The following MPP7 variants were observed in gnomAD, a reference collection of about 807,000 sequenced individuals.
MPP7 encodes the protein MAGUK p55 scaffold protein 7.
A neutral mutation model predicts 76.5 loss-of-function variants in MPP7; 60 were observed. That is an observed-to-expected ratio of 0.78 (90% CI 0.64 to 0.97). The LOEUF is 0.97. Among genes scored for constraint, MPP7 ranks in the 50% least tolerant of loss-of-function variants. The pLI, the probability that MPP7 is intolerant of heterozygous loss-of-function variation, is 0.00. For synonymous variants in MPP7, 237 were observed against 244.5 expected (o/e 0.97, Z 0.29); for missense variants, 641 against 694.0 (o/e 0.92, Z 0.86).
chr10:28,232,832 C>G (rs1838934407), intron 2 of MPP7, among the ~76,000 whole-genome samples: 1 of 152,026 alleles, frequency 6.6e-6, no homozygotes, highest in African/African-American at 2.4e-5. Flanking sequence ...AATTTTTGAC[C>G]TAGGTGGATG....
chr10:28,297,762 T>C (rs192934822), intron 1 of MPP7, among the ~76,000 whole-genome samples: 2 of 152,344 alleles, frequency 1.3e-5, no homozygotes, highest in African/African-American at 4.8e-5. Flanking sequence ...AAGATCTCTC[T>C]TTTGGTAGCA....
chr10:28,160,557 C>A (rs1046260738), intron 3 of MPP7, among the ~76,000 whole-genome samples: 10 of 152,102 alleles, frequency 6.6e-5, no homozygotes, highest in African/African-American at 2.4e-4. Context: ...CCTTGAAGAG[C>A]CTCCCCACAA....
chr10:28,205,061 T>C (rs969417179), intron 2 of MPP7, among the ~76,000 whole-genome samples: 5 of 152,162 alleles, frequency 3.3e-5, no homozygotes, highest in African/African-American at 1.2e-4. Context: ...TAATCCTAAC[T>C]AATATCCCAC....
chr10:28,330,046 C>T lies in MPP7; in HGVS notation c.-205-44G>A, dbSNP rs142264071. ...ATAAATGAGACAATTCGGTGAGGTGCTGTTAATAGCTTCCCAACAGGTACC... is the reference window on the plus strand; with the variant it reads ...ATAAATGAGACAATTCGGTGAGGTGTTGTTAATAGCTTCCCAACAGGTACC... On this transcript the variant is annotated intron_variant, in intron 1 of 11. Coordinates refer to the MPP7 transcript ENST00000441595. The T allele has an allele frequency of 6.6e-5, 10 of 152,248 alleles. No individual in the cohort carries two copies. The South Asian group carries it at 1.2e-3, about 19-fold the overall frequency. 9.4% of individuals were successfully genotyped at this position (152,248 alleles called of 1,614,324 possible).
intron 11 of MPP7, among the ~76,000 whole-genome samples, chr10:28,094,092 TG>T (rs1477490357): frequency 6.6e-6 from 1 of 152,194 alleles, no homozygotes; most frequent in Non-Finnish European, 1.5e-5. Flanking sequence ...GCCTTAGAGC[TG>T]GAAGAAACTC....
intron 1 of MPP7, among the ~76,000 whole-genome samples, chr10:28,241,004 C>G (rs1027129272): frequency 1.3e-5 from 2 of 151,898 alleles, no homozygotes; most frequent in African/African-American, 2.4e-5. Flanking sequence ...TGAGAAAAGC[C>G]TAAATTTATA....
At chr10:28,138,177 T>C (rs1835406281) in intron 5 of MPP7, among the ~76,000 whole-genome samples, 1 of 152,242 alleles carries the variant, frequency 6.6e-6, no homozygotes, top group Non-Finnish European at 1.5e-5. Context: ...CTAGAGATGA[T>C]GTCACTTCAC....
chr10:28,259,548 C>G (rs1008858856), intron 1 of MPP7, among the ~76,000 whole-genome samples: 1 of 150,752 alleles, frequency 6.6e-6, no homozygotes, highest in African/African-American at 2.4e-5. Context: ...GATTGCACCA[C>G]TGCACTCCAG....
At chr10:28,211,961 A>T (rs1049068390) in intron 2 of MPP7, among the ~76,000 whole-genome samples, 11 of 152,240 alleles carry the variant, frequency 7.2e-5, no homozygotes, top group African/African-American at 2.6e-4. Flanking sequence ...TTACAAAAGC[A>T]TCACTCAGCC....
intron 2 of MPP7, among the ~76,000 whole-genome samples, chr10:28,328,165 AT>A (rs978345654): frequency 1.3e-5 from 2 of 152,110 alleles, no homozygotes; most frequent in Non-Finnish European, 2.9e-5. Context: ...TTTAATTCTG[AT>A]TTTTTTAAGA....
intron 1 of MPP7, among the ~76,000 whole-genome samples, chr10:28,253,852 C>T (rs761908600): frequency 6.6e-6 from 1 of 151,326 alleles, no homozygotes; most frequent in Non-Finnish European, 1.5e-5. Flanking sequence ...AAAAATTAGC[C>T]GGGTATGGTC....
chr10:28,193,427 G>T (rs113368736), intron 3 of MPP7, among the ~76,000 whole-genome samples: 3,537 of 152,060 alleles, frequency 0.023, 141 homozygotes, highest in African/African-American at 0.081. Context: ...TTAGCCAGAT[G>T]GTCTCAATCT....
At chr10:28,080,140 A>G (rs1030051121) in intron 12 of MPP7, among the ~76,000 whole-genome samples, 2 of 152,016 alleles carry the variant, frequency 1.3e-5, no homozygotes, top group African/African-American at 4.8e-5. Context: ...AGAGAAAAGA[A>G]AAGAAGGAAG....
At chr10:28,192,726 C>T (rs182289568) in intron 3 of MPP7, among the ~76,000 whole-genome samples, 9 of 152,118 alleles carry the variant, frequency 5.9e-5, no homozygotes, top group Admixed American at 5.9e-4. Context: ...ATACACAGTC[C>T]CAATCAAAAT....
chr10:28,189,088 T>C (rs545724280), intron 3 of MPP7, among the ~76,000 whole-genome samples: 23 of 152,288 alleles, frequency 1.5e-4, no homozygotes, highest in Non-Finnish European at 3.4e-4. Context: ...TTTGTTTTAT[T>C]CTTAATTGAT....
At chr10:28,151,758 G>A (rs1835891052) in intron 3 of MPP7, among the ~76,000 whole-genome samples, 1 of 152,216 alleles carries the variant, frequency 6.6e-6, no homozygotes, top group Non-Finnish European at 1.5e-5. Flanking sequence ...CAGACAGTAA[G>A]AGGCAGAGCT....
chr10:28,242,097 T>A (rs1405168746), intron 1 of MPP7, among the ~76,000 whole-genome samples: 1 of 152,180 alleles, frequency 6.6e-6, no homozygotes, highest in African/African-American at 2.4e-5. Flanking sequence ...CACACACAGT[T>A]AATATATATC....
At chr10:28,189,835 A>G (rs903236163) in intron 3 of MPP7, among the ~76,000 whole-genome samples, 2 of 152,102 alleles carry the variant, frequency 1.3e-5, no homozygotes, top group Non-Finnish European at 2.9e-5. Context: ...ATCAACAGAC[A>G]CTTCAAATGT....
chr10:28,073,053 G>A (rs1453841774), intron 12 of MPP7, among the ~76,000 whole-genome samples: 1 of 152,048 alleles, frequency 6.6e-6, no homozygotes, highest in East Asian at 1.9e-4. Context: ...GCATAAACCA[G>A]GACCTTCATG....
Sources: gnomAD v4.1 joint callset for allele counts (sites outside exome capture counted in the v4.1 genomes callset) on GRCh38, gnomAD v4.1.1 for gene constraint, MANE v1.5 for transcripts, NCBI Gene and HGNC (gene_info 2026-07-23, HGNC 2026-07-21) for gene names.